Variants in SORCS3 observed in about 807,000 individuals in gnomAD.
The protein encoded by SORCS3 is VPS10 domain-containing receptor SorCS3.
In SORCS3, 57 loss-of-function variants were observed where a neutral mutation model predicts 146.3. The ratio of observed to expected loss-of-function variants is 0.39; its 90% CI spans 0.31 to 0.49. The LOEUF (loss-of-function observed/expected upper bound fraction) is 0.49. Ranked by LOEUF, SORCS3 falls within the 20% of genes least tolerant of loss-of-function variation. The probability of loss-of-function intolerance (pLI) is 0.92; values close to 1 mark genes in which losing one functional copy is unlikely to be tolerated. For missense variants in SORCS3, 1,341 were observed against 1,575.5 expected (o/e 0.85, Z 2.52); for synonymous variants, 653 against 618.5 (o/e 1.06, Z -0.83).
At chr10:105,068,519 T>C (rs149222548) in intron 5 of SORCS3, among the ~76,000 whole-genome samples, 194 of 152,272 alleles carry the variant, frequency 1.3e-3, no homozygotes, top group Middle Eastern at 3.4e-3. Flanking sequence ...AAAACTTGAG[T>C]CAGTCCTTTA....
intron 20 of SORCS3, among the ~76,000 whole-genome samples, chr10:105,242,585 T>TTTATATACATTTATATAC (rs1564793640): frequency 1.8e-4 from 18 of 97,968 alleles, no homozygotes; most frequent in Admixed American, 2.9e-4. Flanking sequence ...TATTTATATA[T>TTTATATACATTTATATAC]ATTTATATAT....
At chr10:104,816,253 A>G (rs2017796647) in intron 1 of SORCS3, among the ~76,000 whole-genome samples, 1 of 152,200 alleles carries the variant, frequency 6.6e-6, no homozygotes, top group African/African-American at 2.4e-5. Flanking sequence ...TAACTTTGAA[A>G]TGAATTTTCA....
intron 5 of SORCS3, among the ~76,000 whole-genome samples, chr10:105,085,500 G>A (rs902714993): frequency 6.6e-6 from 1 of 152,234 alleles, no homozygotes; most frequent in Non-Finnish European, 1.5e-5. Context: ...CTAATCCTGA[G>A]CAGTGCTGGA....
intron 16 of SORCS3, among the ~76,000 whole-genome samples, chr10:105,210,133 G>A (rs2056625282): frequency 6.6e-6 from 1 of 152,106 alleles, no homozygotes; most frequent in East Asian, 1.9e-4. Flanking sequence ...CAGAAAATTT[G>A]CCTCTGTTTT....
At chr10:104,782,181 A>G (rs796208163) in intron 1 of SORCS3, among the ~76,000 whole-genome samples, 5 of 152,304 alleles carry the variant, frequency 3.3e-5, no homozygotes, top group African/African-American at 1.2e-4. Flanking sequence ...CTCACTTATG[A>G]TGTTTCCAGT....
intron 1 of SORCS3, among the ~76,000 whole-genome samples, chr10:104,812,078 A>G (rs139668994): frequency 1.4e-4 from 22 of 152,352 alleles, no homozygotes; most frequent in Admixed American, 1.4e-3. Flanking sequence ...ATAACTTGGT[A>G]GTAGCACCCT....
intron 3 of SORCS3, among the ~76,000 whole-genome samples, chr10:104,965,789 G>T (rs1189246503): frequency 6.6e-6 from 1 of 151,810 alleles, no homozygotes; most frequent in African/African-American, 2.4e-5. Flanking sequence ...TGTTATTTTT[G>T]TACTTTAATT....
At chr10:105,257,011 C>T (rs1390119869) in intron 25 of SORCS3, 87 bp downstream of exon 25, 9 of 925,146 alleles carry the variant, frequency 9.7e-6, no homozygotes, top group African/African-American at 1.6e-5. Context: ...AAACTCATCG[C>T]AAGAATGTGA....
At chr10:104,714,016 A>G (rs1042241591) in intron 1 of SORCS3, among the ~76,000 whole-genome samples, 1 of 152,196 alleles carries the variant, frequency 6.6e-6, no homozygotes, top group African/African-American at 2.4e-5. Flanking sequence ...TCCATTTTAT[A>G]TGAAGTATCA....
In SORCS3 at chr10:105,263,630, G is replaced by C. The variant is rs2119780353; in HGVS notation, c.*256G>C. 1.1e-5 allele frequency: 5 copies of C among 461,258 alleles called. No individual in the cohort carries two copies. The highest frequency in any genetic ancestry group is 3.6e-5 in the Admixed American group (1 of 27,952). 28.6% of individuals were successfully genotyped at this position (461,258 alleles called of 1,614,324 possible). A position where few individuals can be genotyped will look rare whatever the true frequency, so the allele number is the denominator to read the frequency against. ...TCCCACAGCCTCCTCGCTTTACTCT[G>C]CCATTGGTAGCTTAAAGACTTTCTT... On this transcript the variant is annotated 3_prime_UTR_variant, in exon 27 of 27. Transcript: ENST00000369701.
chr10:104,721,519 C>G (rs2016548582), intron 1 of SORCS3, among the ~76,000 whole-genome samples: 1 of 151,270 alleles, frequency 6.6e-6, no homozygotes, highest in Non-Finnish European at 1.5e-5. Flanking sequence ...TGAAGAAAGT[C>G]ATTGGTAGCT....
chr10:105,095,570 T>C (rs1409126973), intron 6 of SORCS3, among the ~76,000 whole-genome samples: 1 of 151,980 alleles, frequency 6.6e-6, no homozygotes, highest in East Asian at 1.9e-4. Context: ...AATGAATGAC[T>C]CTCCAAGCCC....
chr10:105,181,423 T>C (rs2056442069), intron 14 of SORCS3, among the ~76,000 whole-genome samples: 1 of 152,120 alleles, frequency 6.6e-6, no homozygotes, highest in South Asian at 2.1e-4. Context: ...TGGAATGGCA[T>C]GTGGGCACAA....
At chr10:104,648,770 AG>A (rs2015525685) in intron 1 of SORCS3, among the ~76,000 whole-genome samples, 2 of 152,358 alleles carry the variant, frequency 1.3e-5, no homozygotes, top group Admixed American at 1.3e-4. Context: ...TGTTGTTTAT[AG>A]TACACTAATA....
chr10:104,722,555 A>G (rs1473836275), intron 1 of SORCS3, among the ~76,000 whole-genome samples: 1 of 152,196 alleles, frequency 6.6e-6, no homozygotes, highest in Non-Finnish European at 1.5e-5. Context: ...AAGGAATGGT[A>G]CCAGCCCCTC....
intron 4 of SORCS3, among the ~76,000 whole-genome samples, chr10:104,998,591 C>G (rs1422385299): frequency 6.6e-6 from 1 of 152,048 alleles, no homozygotes; most frequent in Non-Finnish European, 1.5e-5. Flanking sequence ...GAATTTTAAC[C>G]TTTCTAAGAC....
chr10:104,831,262 A>G (rs1290917592), intron 1 of SORCS3, among the ~76,000 whole-genome samples: 1 of 152,210 alleles, frequency 6.6e-6, no homozygotes, highest in African/African-American at 2.4e-5. Context: ...CTGTGTGGAT[A>G]TCTTATAACC....
chr10:105,047,582 C>A (rs923548906), intron 5 of SORCS3, among the ~76,000 whole-genome samples: 1 of 152,122 alleles, frequency 6.6e-6, no homozygotes, highest in African/African-American at 2.4e-5. Flanking sequence ...CATTAGGAAA[C>A]CTTTAAGAAG....
intron 4 of SORCS3, among the ~76,000 whole-genome samples, chr10:104,979,983 T>C (rs2133653178): frequency 6.6e-6 from 1 of 152,250 alleles, no homozygotes; most frequent in Non-Finnish European, 1.5e-5. Flanking sequence ...TACCAAGAGG[T>C]TGATAAACCA....
Sources: gnomAD v4.1 joint callset for allele counts (sites outside exome capture counted in the v4.1 genomes callset) on GRCh38, gnomAD v4.1.1 for gene constraint, MANE v1.5 for transcripts, NCBI Gene and HGNC (gene_info 2026-07-23, HGNC 2026-07-21) for gene names.